The following CCBE1 variants were observed in gnomAD, a reference collection of about 807,000 sequenced individuals.
CCBE1 encodes the protein collagen and calcium binding EGF domains 1, also known as collagen and calcium-binding EGF domain-containing protein 1.
Under a neutral mutation model 50.0 loss-of-function variants are expected in CCBE1, and 37 were observed. The observed-to-expected ratio is 0.74, with a 90% CI of 0.57 to 0.97. The LOEUF (loss-of-function observed/expected upper bound fraction) is 0.97. Ranked by LOEUF, CCBE1 falls within the 50% of genes least tolerant of loss-of-function variation. CCBE1 has a pLI of 0.00. For missense variants in CCBE1, 538 were observed against 523.8 expected (o/e 1.03, Z -0.26); for synonymous variants, 234 against 203.7 (o/e 1.15, Z -1.27).
intron 2 of CCBE1, among the ~76,000 whole-genome samples, chr18:59,579,114 T>A (rs1475068410): frequency 6.6e-6 from 1 of 152,162 alleles, no homozygotes; most frequent in Non-Finnish European, 1.5e-5. Flanking sequence ...TGATTTCTTA[T>A]CCAACTTCTC....
intron 2 of CCBE1, among the ~76,000 whole-genome samples, chr18:59,524,285 A>C (rs1468929477): frequency 1.3e-5 from 2 of 152,224 alleles, no homozygotes; most frequent in Admixed American, 1.3e-4. Flanking sequence ...GCGCCACTGC[A>C]CTACAGCCTG....
At chr18:59,472,479 C>T (rs144237299) in intron 3 of CCBE1, among the ~76,000 whole-genome samples, 36 of 152,326 alleles carry the variant, frequency 2.4e-4, no homozygotes, top group African/African-American at 6.7e-4. Context: ...CTCAATTTTG[C>T]GAATCTCTTC....
At chr18:59,500,065 G>T (rs1201476944) in intron 2 of CCBE1, among the ~76,000 whole-genome samples, 1 of 152,206 alleles carries the variant, frequency 6.6e-6, no homozygotes, top group African/African-American at 2.4e-5. Context: ...TTCAGCAGGG[G>T]CTGCCTGAGT....
intron 2 of CCBE1, among the ~76,000 whole-genome samples, chr18:59,691,889 G>C (rs1041755596): frequency 1.3e-5 from 2 of 152,140 alleles, no homozygotes; most frequent in South Asian, 4.1e-4. Context: ...TCTTCCTTCT[G>C]CCAGTAAGAC....
chr18:59,654,854 G>A (rs563752856), intron 2 of CCBE1, among the ~76,000 whole-genome samples: 51 of 148,864 alleles, frequency 3.4e-4, no homozygotes, highest in Non-Finnish European at 6.2e-4. Context: ...TATAATCCCA[G>A]CACTTTGGGA....
chr18:59,487,721 T>C (rs565198200), intron 2 of CCBE1, among the ~76,000 whole-genome samples: 8 of 152,362 alleles, frequency 5.3e-5, no homozygotes, highest in Admixed American at 3.9e-4. Context: ...AAAAGCTTGT[T>C]AGGCATAACT....
At chr18:59,646,666 G>A (rs2054058425) in intron 2 of CCBE1, among the ~76,000 whole-genome samples, 1 of 152,222 alleles carries the variant, frequency 6.6e-6, no homozygotes, top group Non-Finnish European at 1.5e-5. Flanking sequence ...AAGAATAGCT[G>A]CCCTAGAGGA....
In CCBE1 at chr18:59,547,035, AAGAGAGGGGG is replaced by A. The variant is rs540872040; in HGVS notation, c.213-66807_213-66798del. On this transcript the variant is annotated intron_variant, in intron 2 of 10. Coordinates refer to ENST00000439986, the MANE Select transcript of CCBE1 (RefSeq NM_133459.4). The stretch of plus-strand genomic sequence containing the variant: ...TGTGGTTAGAGGAATGGGAGAGAGA[AAGAGAGGGGG>A]AGAGAGGGGGAGAGAGGGGGAGAGA... Among the ~76,000 whole-genome samples, 303 of 77,870 alleles carry A rather than the reference AAGAGAGGGGG, an allele frequency of 3.9e-3. 1 individual carries two copies. Among genetic ancestry groups the A allele is most frequent in the African/African-American group, 0.011 (172 of 16,250 alleles). 51.1% of individuals were successfully genotyped at this position (77,870 alleles called of 152,430 possible).
intron 2 of CCBE1, among the ~76,000 whole-genome samples, chr18:59,588,131 CAAG>C (rs2053204345): frequency 6.6e-6 from 1 of 152,096 alleles, no homozygotes; most frequent in Non-Finnish European, 1.5e-5. Flanking sequence ...CTCAAAGGGC[CAAG>C]AATAGCCAAG....
At position 59,512,368 on chromosome 18, in the gene CCBE1, C is replaced by T. The variant is rs144398297; in HGVS notation, c.213-32130G>A. ...CCTAGACACAGCCGTGGGGTTGGAG[C>T]CCCACAACCTGCCCATCTGTATGCT... On this transcript the variant is annotated intron_variant, in intron 2 of 10. Coordinates refer to ENST00000439986, the MANE Select transcript of CCBE1 (RefSeq NM_133459.4). 2.6e-4 allele frequency among the ~76,000 whole-genome samples: 39 copies of T among 152,348 alleles called. No homozygotes were observed. The East Asian group carries it at 7.1e-3, about 28-fold the overall frequency.
At chr18:59,653,553 A>G (rs1238993792) in intron 2 of CCBE1, among the ~76,000 whole-genome samples, 1 of 152,186 alleles carries the variant, frequency 6.6e-6, no homozygotes, top group African/African-American at 2.4e-5. Context: ...CAACAACCCT[A>G]TGAGATTAGT....
chr18:59,658,349 A>C (rs1568258394), intron 2 of CCBE1, among the ~76,000 whole-genome samples: 1 of 27,098 alleles, frequency 3.7e-5, no homozygotes, highest in African/African-American at 1.6e-4. Flanking sequence ...AAAAAAAAAA[A>C]AAAAAATATA....
rs764064915 is a variant in CCBE1 at position 59,697,353 on chromosome 18, C to T, written c.-11G>A. ...AGGCGGCGGCACCATCAGGGAAGCTCCCGGCTTCTTCCCAGCGCCGAGCTC... is the reference window on the plus strand; with the variant it reads ...AGGCGGCGGCACCATCAGGGAAGCTTCCGGCTTCTTCCCAGCGCCGAGCTC... On this transcript the variant is annotated 5_prime_UTR_variant, in exon 1 of 11. Coordinates refer to ENST00000439986, the MANE Select transcript of CCBE1 (RefSeq NM_133459.4). 6.5e-7 allele frequency: 1 copy of T among 1,545,202 alleles called. No individual in the cohort carries two copies. Among genetic ancestry groups the T allele is most frequent in the Non-Finnish European group, 8.7e-7 (1 of 1,146,440 alleles).
At chr18:59,658,807 G>A (rs2054240818) in intron 2 of CCBE1, among the ~76,000 whole-genome samples, 1 of 145,746 alleles carries the variant, frequency 6.9e-6, no homozygotes, top group Non-Finnish European at 1.5e-5. Flanking sequence ...TTGAACCCGG[G>A]CAGTGGAGTT....
rs112681707 is a variant in CCBE1 at position 59,648,994 on chromosome 18, G to A, written c.212+47635C>T. On this transcript the variant is annotated intron_variant, in intron 2 of 10. Coordinates refer to ENST00000439986, the MANE Select transcript of CCBE1 (RefSeq NM_133459.4). ...ATCTACATCTGATCCCTACTGACAC[G>A]CTTCAAACTAACTGCAGGCATTTAA... 4.6e-5 allele frequency among the ~76,000 whole-genome samples: 7 copies of A among 152,300 alleles called. No individual in the cohort carries two copies. The East Asian group carries it at 9.6e-4, about 21-fold the overall frequency.
chr18:59,611,225 C>A (rs114109487), intron 2 of CCBE1, among the ~76,000 whole-genome samples: 2,853 of 152,338 alleles, frequency 0.019, 71 homozygotes, highest in African/African-American at 0.065. Context: ...CACTCAGCTT[C>A]TTCCCTTGCT....
chr18:59,622,301 C>T (rs1283481578), intron 2 of CCBE1, among the ~76,000 whole-genome samples: 1 of 152,164 alleles, frequency 6.6e-6, no homozygotes, highest in African/African-American at 2.4e-5. Flanking sequence ...AAGTCACCTG[C>T]AGTTACATCC....
At chr18:59,530,805 T>G (rs979397937) in intron 2 of CCBE1, among the ~76,000 whole-genome samples, 1 of 152,234 alleles carries the variant, frequency 6.6e-6, no homozygotes, top group African/African-American at 2.4e-5. Flanking sequence ...ACATCCCCAT[T>G]GTTCTCAGAT....
intron 2 of CCBE1, among the ~76,000 whole-genome samples, chr18:59,560,719 C>T (rs1162606930): frequency 1.3e-5 from 2 of 152,168 alleles, no homozygotes; most frequent in Non-Finnish European, 2.9e-5. Flanking sequence ...CATATGCTGC[C>T]CTTCTGGCTC....
Sources: gnomAD v4.1 joint callset for allele counts (sites outside exome capture counted in the v4.1 genomes callset) on GRCh38, gnomAD v4.1.1 for gene constraint, MANE v1.5 for transcripts, NCBI Gene and HGNC (gene_info 2026-07-23, HGNC 2026-07-21) for gene names.